Variants in GRID1 observed in about 807,000 individuals in gnomAD.
GRID1 encodes the protein glutamate receptor ionotropic, delta-1.
In GRID1, 28 loss-of-function variants were observed where a neutral mutation model predicts 98.0. The ratio of observed to expected loss-of-function variants is 0.29; its 90% confidence interval spans 0.21 to 0.39. GRID1 has a LOEUF of 0.39. Ranked by LOEUF, GRID1 falls within the 10% of genes least tolerant of loss-of-function variation. The probability of loss-of-function intolerance (pLI) is 1.00; values close to 1 mark genes in which losing one functional copy is unlikely to be tolerated. For missense variants in GRID1, 1,111 were observed against 1,340.5 expected, an observed-to-expected ratio of 0.83 and a Z score of 2.67; for synonymous variants, 553 against 538.5, an observed-to-expected ratio of 1.03 and a Z score of -0.37.
chr10:86,334,736 G>A (rs1009368348), intron 2 of GRID1, among the ~76,000 whole-genome samples: 1 of 152,214 alleles, frequency 6.6e-6, no homozygotes, highest in Admixed American at 6.5e-5. Flanking sequence ...TCATCCCCAT[G>A]TTCCAGAGGA....
intron 4 of GRID1, among the ~76,000 whole-genome samples, chr10:85,985,143 T>C (rs918666384): frequency 1.3e-5 from 2 of 152,016 alleles, no homozygotes; most frequent in Non-Finnish European, 1.5e-5. Flanking sequence ...GGGAACAAAA[T>C]TGCACCCAAA....
intron 8 of GRID1, among the ~76,000 whole-genome samples, chr10:85,840,185 C>G (rs972737354): frequency 6.6e-6 from 1 of 152,132 alleles, no homozygotes; most frequent in Non-Finnish European, 1.5e-5. Flanking sequence ...CTAAGAAGAG[C>G]TGGTACTATT....
intron 4 of GRID1, among the ~76,000 whole-genome samples, chr10:85,936,518 T>TA (rs58110757): frequency 0.15 from 22,255 of 145,782 alleles, 2,220 homozygotes; most frequent in African/African-American, 0.29. Context: ...AGCACCAAAC[T>TA]AAAAAAAAAA....
intron 2 of GRID1, among the ~76,000 whole-genome samples, chr10:86,290,126 T>C (rs1847492399): frequency 6.6e-6 from 1 of 152,258 alleles, no homozygotes; most frequent in Non-Finnish European, 1.5e-5. Context: ...CAAGTTTAAC[T>C]GGTATTTTTA....
intron 5 of GRID1, among the ~76,000 whole-genome samples, chr10:85,904,259 T>A (rs1197964193): frequency 1.3e-5 from 2 of 152,178 alleles, no homozygotes; most frequent in African/African-American, 4.8e-5. Context: ...AAAAAATAGT[T>A]TGCAAGACAC....
intron 4 of GRID1, among the ~76,000 whole-genome samples, chr10:85,979,448 G>A (rs4448624): frequency 0.38 from 57,348 of 151,990 alleles, 12,209 homozygotes; most frequent in East Asian, 0.61. Context: ...TGAGATTAAG[G>A]TGTCAGCAGG....
intron 8 of GRID1, among the ~76,000 whole-genome samples, chr10:85,817,885 C>T (rs945398705): frequency 3.3e-5 from 5 of 151,856 alleles, no homozygotes; most frequent in African/African-American, 1.2e-4. Context: ...AACAAGACTC[C>T]GTCTCAGAAA....
chr10:85,913,479 A>C (rs898154998), intron 5 of GRID1, among the ~76,000 whole-genome samples: 1 of 152,254 alleles, frequency 6.6e-6, no homozygotes, highest in Non-Finnish European at 1.5e-5. Context: ...AGTGCCTGGC[A>C]CATAGTAGGT....
Position 85,770,793 on chromosome 10 carries a change from C to T in GRID1, c.1234-41179G>A, listed in dbSNP as rs369458903. 3.9e-3 allele frequency among the ~76,000 whole-genome samples: 590 copies of T among 152,090 alleles called. 4 individuals carry two copies. The highest frequency in any genetic ancestry group is 0.013 in the African/African-American group (536 of 41,504). On this transcript the variant is annotated intron_variant, in intron 8 of 15. Coordinates refer to ENST00000327946, the MANE Select transcript of GRID1 (RefSeq NM_017551.3). ...TTAGAGAAAAAAGAATAAAAAGAAA[C>T]GAACAAAGCCTCCAAGAAATATGGG...
chr10:86,358,036 C>T (rs905004873), intron 2 of GRID1, among the ~76,000 whole-genome samples: 2 of 152,146 alleles, frequency 1.3e-5, no homozygotes, highest in African/African-American at 2.4e-5. Context: ...ACTATTCGAA[C>T]AGCAGTTTCC....
chr10:85,634,291 T>TCCCTCTCTCTCTCTCTCTCTCTCA (rs1162030685), intron 13 of GRID1, among the ~76,000 whole-genome samples: 1 of 102,952 alleles, frequency 9.7e-6, no homozygotes, highest in Non-Finnish European at 2.0e-5. Flanking sequence ...TCTCTCTCTC[T>TCCCTCTCTCTCTCTCTCTCTCTCA]CACACACACA....
rs1265685421 is a variant in GRID1 at position 86,206,008 on chromosome 10, C to G, written c.520+356G>C. Among the ~76,000 whole-genome samples the G allele has an allele frequency of 6.6e-6, 1 of 152,216 alleles. No individual in the cohort carries two copies. The highest frequency in any genetic ancestry group is 2.4e-5 in the African/African-American group (1 of 41,448). On this transcript the variant is annotated intron_variant, in intron 3 of 15. Coordinates refer to ENST00000327946, the MANE Select transcript of GRID1 (RefSeq NM_017551.3). The surrounding 1 kb of genome is among the most constrained non-coding windows in gnomAD (Gnocchi z 4.1). Reference sequence around the variant, plus strand: ...AGGCAATCGTCCAGTGTGAAGGGCACTCTTTGGAGAGGAGACCTCCAGGAG... The same window carrying G: ...AGGCAATCGTCCAGTGTGAAGGGCAGTCTTTGGAGAGGAGACCTCCAGGAG...
rs200595427 is a variant in GRID1, at chr10:85,724,402, G to A, written c.1808C>T (p.Ala603Val). 7 of 1,614,100 alleles carry A rather than the reference G, an allele frequency of 4.3e-6. No individual in the cohort carries two copies. The Admixed American group carries it at 1.2e-4, about 27-fold the overall frequency. The change falls in exon 11 of 16, where the codon GCC becomes GTC. Residue 603 changes from alanine (A) to valine (V), a missense_variant. Transcript: ENST00000327946. Reference protein sequence around the residue: ...SAAQPRPSASATLHSAIWIVY... With the variant: ...SAAQPRPSASVTLHSAIWIVY... Reference sequence around the variant, plus strand: ...AATCCAGATGGCGCTGTGCAGAGTGGCAGAAGCTGACGGCCTGGGCTGGGC... The same window carrying A: ...AATCCAGATGGCGCTGTGCAGAGTGACAGAAGCTGACGGCCTGGGCTGGGC...
At chr10:85,691,626 T>C (rs1291671304) in intron 12 of GRID1, among the ~76,000 whole-genome samples, 1 of 152,226 alleles carries the variant, frequency 6.6e-6, no homozygotes, top group Admixed American at 6.5e-5. Flanking sequence ...ATTAACTAAC[T>C]ACCAAGTTGT....
At chr10:85,838,116 T>C (rs1316527683) in intron 8 of GRID1, among the ~76,000 whole-genome samples, 1 of 151,382 alleles carries the variant, frequency 6.6e-6, no homozygotes, top group South Asian at 2.1e-4. Context: ...CAGAGAAAAA[T>C]GAATAAAAAG....
chr10:85,832,452 C>T (rs917893135), intron 8 of GRID1, among the ~76,000 whole-genome samples: 1 of 152,050 alleles, frequency 6.6e-6, no homozygotes, highest in African/African-American at 2.4e-5. Context: ...AAATGTGATA[C>T]ACAACAAGGA....
intron 4 of GRID1, among the ~76,000 whole-genome samples, chr10:85,934,806 G>A (rs535071293): frequency 1.8e-4 from 27 of 152,274 alleles, no homozygotes; most frequent in South Asian, 1.7e-3. Flanking sequence ...GCAGCTCCAG[G>A]AGGGAGGAGG....
At chr10:86,319,805 G>C (rs1315230710) in intron 2 of GRID1, among the ~76,000 whole-genome samples, 1 of 152,186 alleles carries the variant, frequency 6.6e-6, no homozygotes, top group African/African-American at 2.4e-5. Flanking sequence ...GTGCCCAGGG[G>C]CTGCCCCTCC....
intron 4 of GRID1, among the ~76,000 whole-genome samples, chr10:85,952,779 A>G (rs955572075): frequency 1.3e-5 from 2 of 152,214 alleles, no homozygotes; most frequent in African/African-American, 2.4e-5. Flanking sequence ...AACTGTACAC[A>G]GTTGATCCTT....
Sources: gnomAD v4.1 joint callset for allele counts (sites outside exome capture counted in the v4.1 genomes callset) on GRCh38, gnomAD v4.1.1 for gene constraint, Gnocchi (gnomAD v3.1) non-coding constraint, MANE v1.5 for transcripts, NCBI Gene and HGNC (gene_info 2026-07-23, HGNC 2026-07-21) for gene names.